FAM169A: variants seen among roughly 807,000 people sequenced by gnomAD.
FAM169A encodes soluble lamin-associated protein of 75 kDa.
A neutral mutation model predicts 75.7 loss-of-function variants in FAM169A; 24 were observed. That is an observed-to-expected ratio of 0.32 (90% CI 0.23 to 0.45). The LOEUF (loss-of-function observed/expected upper bound fraction) is 0.45. Ranked by LOEUF, FAM169A falls within the 20% of genes least tolerant of loss-of-function variation. The pLI is 1.00. For missense variants in FAM169A, 673 were observed against 784.0 expected (o/e 0.86, Z 1.69); for synonymous variants, 271 against 271.0 (o/e 1.00, Z 0.00).
intron 4 of FAM169A, among the ~76,000 whole-genome samples, chr5:74,834,903 T>C (rs991829457): frequency 6.6e-6 from 1 of 151,936 alleles, no homozygotes; most frequent in South Asian, 2.1e-4. Context: ...CACCATCTTC[T>C]TTCTGCTTCC....
At chr5:74,841,845 A>C (rs1435069019) in intron 1 of FAM169A, among the ~76,000 whole-genome samples, 166 bp from the exon 2 acceptor site, 1 of 152,244 alleles carries the variant, frequency 6.6e-6, no homozygotes, top group African/African-American at 2.4e-5. Flanking sequence ...TTAACCATGC[A>C]TGTCAAAAAG....
intron 8 of FAM169A, among the ~76,000 whole-genome samples, chr5:74,803,627 C>T (rs1450934485): frequency 6.6e-6 from 1 of 152,106 alleles, no homozygotes; most frequent in East Asian, 1.9e-4. Flanking sequence ...TGCCATCCCC[C>T]AAAACCCTAG....
At chr5:74,847,621 A>T (rs1749223457) in intron 1 of FAM169A, among the ~76,000 whole-genome samples, 1 of 152,230 alleles carries the variant, frequency 6.6e-6, no homozygotes, top group South Asian at 2.1e-4. Context: ...CCTATAATTT[A>T]AATGTTCACC....
chr5:74,851,220 T>C (rs952164925), intron 1 of FAM169A, among the ~76,000 whole-genome samples: 1 of 151,490 alleles, frequency 6.6e-6, no homozygotes, highest in Non-Finnish European at 1.5e-5. Flanking sequence ...GAAAGTCAAT[T>C]CCCCTTAGGG....
In FAM169A at chr5:74,866,311, C is replaced by T; in HGVS notation, c.-150G>A. ...GCTGCCAGGGCGAGTGCGGCTGCCT[C>T]CCGCTCGCCCCGGACGCCCGGCTCC... On this transcript the variant is annotated 5_prime_UTR_variant, in exon 1 of 13. Transcript: ENST00000687041. The T allele has an allele frequency of 1.0e-6, 1 of 984,396 alleles. No homozygotes were observed. Among genetic ancestry groups the T allele is most frequent in the Non-Finnish European group, 1.2e-6 (1 of 829,546 alleles). The allele number at this position is 984,396 out of a possible 1,614,324, so 61.0% of individuals were successfully genotyped here. A position where few individuals can be genotyped will look rare whatever the true frequency, so the allele number is the denominator to read the frequency against.
intron 10 of FAM169A, among the ~76,000 whole-genome samples, chr5:74,796,709 CTTT>C (rs749033904): frequency 7.0e-6 from 1 of 142,406 alleles, no homozygotes; most frequent in Admixed American, 7.1e-5. Flanking sequence ...CAGCCTGAAT[CTTT>C]TTTTTTTTTT....
chr5:74,781,456 T>C lies in FAM169A; in HGVS notation c.*4A>G, dbSNP rs1745403566. On this transcript the variant is annotated 3_prime_UTR_variant, in exon 13 of 13. Coordinates refer to ENST00000687041, the MANE Select transcript of FAM169A (RefSeq NM_001376049.1). ...GAGGATTTATCATCCACTTTCTTCT[T>C]CCTTCAGGTCAGCTTAGCTTTCTTC... is the stretch of plus-strand genomic sequence containing the variant. 1 of 1,607,580 alleles carries C rather than the reference T, an allele frequency of 6.2e-7. No homozygotes were observed. The highest frequency in any genetic ancestry group is 8.5e-7 in the Non-Finnish European group (1 of 1,176,366).
intron 5 of FAM169A, among the ~76,000 whole-genome samples, chr5:74,818,564 G>C (rs1561305891): frequency 6.6e-6 from 1 of 150,662 alleles, no homozygotes; most frequent in African/African-American, 2.4e-5. Context: ...AAAGAACCCA[G>C]ACCCCGCCCC....
At chr5:74,831,417 TC>T (rs1748304446) in intron 5 of FAM169A, among the ~76,000 whole-genome samples, 1 of 152,100 alleles carries the variant, frequency 6.6e-6, no homozygotes, top group Admixed American at 6.6e-5. Flanking sequence ...CTCAAACTCA[TC>T]AGCAGTCTTG....
chr5:74,801,054 G>A (rs188402147), intron 9 of FAM169A, 24 bp from the exon 10 acceptor site: 117 of 1,496,208 alleles, frequency 7.8e-5, no homozygotes, highest in South Asian at 1.4e-5. Flanking sequence ...CAGCAAAACT[G>A]CACTTAATTG....
rs145431551 is a variant in FAM169A, at chr5:74,823,355, C to T, written c.491-9336G>A. ...AAGAATGTTCTTTCCCTTCCCCCTT[C>T]TCTTACTGACAAACTACTTACCCTT... On this transcript the variant is annotated intron_variant, in intron 5 of 12. Coordinates refer to ENST00000687041, the MANE Select transcript of FAM169A (RefSeq NM_001376049.1). Among the ~76,000 whole-genome samples, 616 of 152,288 alleles carry T rather than the reference C, an allele frequency of 4.0e-3. 9 individuals are homozygous for T. Among genetic ancestry groups the T allele is most frequent in the African/African-American group, 0.014 (578 of 41,548 alleles).
chr5:74,840,973 AT>A (rs1748835189), intron 2 of FAM169A, among the ~76,000 whole-genome samples: 1 of 152,218 alleles, frequency 6.6e-6, no homozygotes, highest in Admixed American at 6.5e-5. Flanking sequence ...TCAGAGAATT[AT>A]AAAAATATTG....
At chr5:74,809,186 A>G (rs1254555900) in intron 6 of FAM169A, among the ~76,000 whole-genome samples, 1 of 152,216 alleles carries the variant, frequency 6.6e-6, no homozygotes, top group Non-Finnish European at 1.5e-5. Context: ...GATGTAAACT[A>G]AATAATTTCA....
At chr5:74,839,337 G>A (rs1275294485) in intron 3 of FAM169A, among the ~76,000 whole-genome samples, 2 of 152,052 alleles carry the variant, frequency 1.3e-5, no homozygotes, top group African/African-American at 2.4e-5. Flanking sequence ...ATGGGTCAGG[G>A]TGGGGGGGTC....
rs1750331173 is a variant in FAM169A at position 74,866,174 on chromosome 5, G to C, written c.-13C>G. 1.0e-6 allele frequency: 1 copy of C among 983,854 alleles called. No homozygotes were observed. The highest frequency in any genetic ancestry group is 1.8e-5 in the African/African-American group (1 of 57,092). 60.9% of individuals were successfully genotyped at this position (983,854 alleles called of 1,614,324 possible). A position where few individuals can be genotyped will look rare whatever the true frequency, so the allele number is the denominator to read the frequency against. Reference sequence around the variant, plus strand: ...GAGGGAGCGCACTCACCTCAGACGCGCCCCGGGAGCCGCTGGAAGAGCCCG... The same window carrying C: ...GAGGGAGCGCACTCACCTCAGACGCCCCCCGGGAGCCGCTGGAAGAGCCCG... On this transcript the variant is annotated 5_prime_UTR_variant, in exon 1 of 13. Coordinates refer to ENST00000687041, the MANE Select transcript of FAM169A (RefSeq NM_001376049.1).
At chr5:74,835,636 A>G (rs1221486913) in intron 4 of FAM169A, among the ~76,000 whole-genome samples, 1 of 151,634 alleles carries the variant, frequency 6.6e-6, no homozygotes, top group African/African-American at 2.4e-5. Context: ...ATCTGTACAT[A>G]AGCCTATATT....
At chr5:74,829,293 T>C (rs1748192103) in intron 5 of FAM169A, among the ~76,000 whole-genome samples, 1 of 152,192 alleles carries the variant, frequency 6.6e-6, no homozygotes. Context: ...TCTATTATCT[T>C]TCATCAAGTG....
Position 74,817,144 on chromosome 5 carries a change from G to T in FAM169A, c.491-3125C>A, listed in dbSNP as rs563952959. 3.7e-3 allele frequency among the ~76,000 whole-genome samples: 557 copies of T among 151,820 alleles called. 7 individuals carry two copies. Among genetic ancestry groups the T allele is most frequent in the Middle Eastern group, 0.014 (4 of 294 alleles). ...CTCCTAAGATCAGGAAAAAGACAAG[G>T]ATATTTACTCTCACCACTTGCATTC... On this transcript the variant is annotated intron_variant, in intron 5 of 12. Transcript: ENST00000687041.
chr5:74,803,639 C>CTAGAA (rs1398262027), intron 8 of FAM169A, among the ~76,000 whole-genome samples: 1 of 152,122 alleles, frequency 6.6e-6, no homozygotes, highest in Non-Finnish European at 1.5e-5. Context: ...AAACCCTAGA[C>CTAGAA]TTCTAGAGTC....
Sources: allele counts gnomAD v4.1 joint callset (sites outside exome capture counted in the v4.1 genomes callset), GRCh38; gene constraint gnomAD v4.1.1; transcripts MANE v1.5; gene names NCBI Gene and HGNC (gene_info 2026-07-23, HGNC 2026-07-21).